NT5DC3: variants seen among roughly 807,000 people sequenced by gnomAD.
The protein encoded by NT5DC3 is 5'-nucleotidase domain-containing protein 3.
A neutral mutation model predicts 67.8 loss-of-function variants in NT5DC3; 42 were observed. That is an observed-to-expected ratio of 0.62 (90% CI 0.48 to 0.80). The LOEUF is 0.80. Among genes scored for constraint, NT5DC3 ranks in the 30% least tolerant of loss-of-function variants. The probability of loss-of-function intolerance (pLI) is 0.00; values close to 1 mark genes in which losing one functional copy is unlikely to be tolerated. For missense variants in NT5DC3, 570 were observed against 696.4 expected, an observed-to-expected ratio of 0.82 and a Z score of 2.04; for synonymous variants, 237 against 255.6, an observed-to-expected ratio of 0.93 and a Z score of 0.69.
At chr12:103,804,507 A>G (rs1886715893) in intron 4 of NT5DC3, among the ~76,000 whole-genome samples, 1 of 152,234 alleles carries the variant, frequency 6.6e-6, no homozygotes, top group African/African-American at 2.4e-5. Context: ...GGGAAGTCCC[A>G]AGACAAGCAA....
At position 103,798,786 on chromosome 12, in the gene NT5DC3, C is replaced by T; in HGVS notation, c.525-109G>A. The T allele has an allele frequency of 1.4e-5, 10 of 715,184 alleles. No individual in the cohort carries two copies. The South Asian group carries it at 1.7e-4, about 12-fold the overall frequency. 44.3% of individuals were successfully genotyped at this position (715,184 alleles called of 1,614,324 possible). A position where few individuals can be genotyped will look rare whatever the true frequency, so the allele number is the denominator to read the frequency against. ...CAATTGAGGTGCAAGGCACTGTCAT[C>T]ATGACGAGGCAAAATGTGCCACAAG... On this transcript the variant is annotated intron_variant, in intron 4 of 13. Transcript: ENST00000392876.
intron 3 of NT5DC3, among the ~76,000 whole-genome samples, chr12:103,806,578 G>A (rs938158902): frequency 2.0e-5 from 3 of 151,944 alleles, no homozygotes; most frequent in Non-Finnish European, 2.9e-5. Flanking sequence ...AAAAGACAGG[G>A]GAAAAAAATA....
In NT5DC3 at chr12:103,793,271, GCA is replaced by G; in HGVS notation, c.918-8_918-7del. 1 of 1,603,300 alleles carries G rather than the reference GCA, an allele frequency of 6.2e-7. No individual in the cohort carries two copies. The highest frequency in any genetic ancestry group is 8.5e-7 in the Non-Finnish European group (1 of 1,172,100). On this transcript the variant is annotated splice_polypyrimidine_tract_variant and splice_region_variant and intron_variant, in intron 8 of 13. Coordinates refer to ENST00000392876, the MANE Select transcript of NT5DC3 (RefSeq NM_001031701.3). ...TATAACTCATCCCTTTGTCCCTAGG[GCA>G]ACAAGTCAGCCAGGTTAGTCTAACA...
intron 6 of NT5DC3, among the ~76,000 whole-genome samples, chr12:103,794,596 G>A (rs1049153841): frequency 1.3e-5 from 2 of 152,230 alleles, no homozygotes; most frequent in Non-Finnish European, 2.9e-5. Flanking sequence ...ATGATAGACA[G>A]TAATTTATAT....
chr12:103,828,640 C>T (rs555525281), intron 1 of NT5DC3, among the ~76,000 whole-genome samples: 1 of 152,008 alleles, frequency 6.6e-6, no homozygotes, highest in South Asian at 2.1e-4. Context: ...CCTCCTGCCT[C>T]TGACATTACC....
intron 9 of NT5DC3, among the ~76,000 whole-genome samples, chr12:103,792,900 C>T (rs1021556269): frequency 6.6e-6 from 1 of 152,226 alleles, no homozygotes; most frequent in Non-Finnish European, 1.5e-5. Flanking sequence ...TTGGCTTTCT[C>T]ATCACTGCCA....
At chr12:103,810,073 A>C (rs1886965193) in intron 2 of NT5DC3, among the ~76,000 whole-genome samples, 1 of 152,360 alleles carries the variant, frequency 6.6e-6, no homozygotes, top group South Asian at 2.1e-4. Context: ...GCACATGGGA[A>C]GTGCTCAATA....
At chr12:103,762,201 G>A in the NT5DC3 span, 96 of 1,585,516 alleles carry the variant, frequency 6.1e-5, no homozygotes, top group Non-Finnish European at 7.5e-5. Flanking sequence ...AGAATGCCTC[G>A]GGCCACCAAG....
Position 103,809,874 on chromosome 12 carries a change from C to T in NT5DC3, c.394-2945G>A, listed in dbSNP as rs529268987. On this transcript the variant is annotated intron_variant, in intron 2 of 13. Transcript: ENST00000392876. ...ATGTCATAATGAAGAATACAGGTTC[C>T]GGGGCTGAGAGACCAGGCATCAAAT... 1.2e-4 allele frequency among the ~76,000 whole-genome samples: 18 copies of T among 152,232 alleles called. No individual in the cohort carries two copies. The South Asian group carries it at 1.2e-3, about 11-fold the overall frequency.
At chr12:103,835,810 A>G (rs1346311852) in intron 1 of NT5DC3, among the ~76,000 whole-genome samples, 1 of 152,202 alleles carries the variant, frequency 6.6e-6, no homozygotes, top group Non-Finnish European at 1.5e-5. Flanking sequence ...ACTCTGGTCC[A>G]ACGGTATATC....
chr12:103,781,266 A>G (rs77264684), intron 12 of NT5DC3, among the ~76,000 whole-genome samples: 2,151 of 152,298 alleles, frequency 0.014, 55 homozygotes, highest in African/African-American at 0.05. Context: ...AAGCGGGCAA[A>G]CCATCTGCTT....
Position 103,798,614 on chromosome 12 carries a change from C to T in NT5DC3, c.588G>A (p.Leu196=), listed in dbSNP as rs1886424419. 1 of 1,613,848 alleles carries T rather than the reference C, an allele frequency of 6.2e-7. No homozygotes were observed. Among genetic ancestry groups the T allele is most frequent in the East Asian group, 2.2e-5 (1 of 44,882 alleles). The part of the protein sequence containing the change: ...IEMYEGSHVP[L]EQMSDFYGKS... Reference sequence around the variant, plus strand: ...TTCCGTAAAAGTCACTCATCTGCTCCAAGGGCACGTGGGACCCCTCGTACA... The same window carrying T: ...TTCCGTAAAAGTCACTCATCTGCTCTAAGGGCACGTGGGACCCCTCGTACA... Residue 196 remains leucine, a synonymous_variant, in exon 5 of 14, where the codon TTG becomes TTA. Coordinates refer to ENST00000392876, the MANE Select transcript of NT5DC3 (RefSeq NM_001031701.3).
At chr12:103,840,428 C>T (rs112213241) in intron 1 of NT5DC3, among the ~76,000 whole-genome samples, 28 of 149,376 alleles carry the variant, frequency 1.9e-4, no homozygotes, top group Admixed American at 4.7e-4. Flanking sequence ...CTCATTCCAT[C>T]CCATTCCATC....
At chr12:103,786,980 G>A (rs1212871424) in intron 11 of NT5DC3, among the ~76,000 whole-genome samples, 7 of 152,062 alleles carry the variant, frequency 4.6e-5, no homozygotes, top group Non-Finnish European at 8.8e-5. Flanking sequence ...ACCATGCCCA[G>A]CCCACTGGTT....
the NT5DC3 span, chr12:103,753,176 A>G: frequency 6.2e-7 from 1 of 1,607,530 alleles, no homozygotes; most frequent in Non-Finnish European, 8.5e-7. Context: ...AACACTGCCA[A>G]CCTGGTGGGC....
chr12:103,816,967 C>CTTTTTTTT (rs376622215), intron 1 of NT5DC3, among the ~76,000 whole-genome samples: 67 of 118,836 alleles, frequency 5.6e-4, no homozygotes, highest in South Asian at 1.6e-3. Flanking sequence ...TTTCTTTTTT[C>CTTTTTTTT]TTTTTTTTTT....
chr12:103,759,356 G>C, the NT5DC3 span: 1 of 1,528,732 alleles, frequency 6.5e-7, no homozygotes, highest in Non-Finnish European at 8.8e-7. Context: ...TTAATAGATG[G>C]CAACTATTAT....
rs1056487391 is a variant in NT5DC3 at position 103,831,070 on chromosome 12, T to C, written c.208+9879A>G. ...CTATCACTCAGTTTCTCAGTTGGGA[T>C]TGTGATATGGTTTGGCTCTGTGTCC... On this transcript the variant is annotated intron_variant, in intron 1 of 13. Coordinates refer to ENST00000392876, the MANE Select transcript of NT5DC3 (RefSeq NM_001031701.3). 3.9e-5 allele frequency among the ~76,000 whole-genome samples: 6 copies of C among 152,164 alleles called. No individual in the cohort carries two copies. In the South Asian group the frequency reaches 6.2e-4, roughly 16 times the overall value.
At chr12:103,787,627 C>T (rs2139321753) in intron 10 of NT5DC3, 100 bp from the exon 11 acceptor site, 2 of 575,892 alleles carry the variant, frequency 3.5e-6, no homozygotes, top group Middle Eastern at 4.5e-4. Flanking sequence ...GTTTTTATAA[C>T]TTATTTTAAA....
Sources: allele counts gnomAD v4.1 joint callset (sites outside exome capture counted in the v4.1 genomes callset), GRCh38; gene constraint gnomAD v4.1.1; transcripts MANE v1.5; gene names NCBI Gene and HGNC (gene_info 2026-07-23, HGNC 2026-07-21).